SIDT1: variants seen among roughly 807,000 people sequenced by gnomAD.
The protein encoded by SIDT1 is SID1 transmembrane family, member 1.
SIDT1 carries 101 observed loss-of-function variants against 107.5 expected under a neutral mutation model. The observed-to-expected ratio is 0.94, with a 90% CI of 0.80 to 1.11. The LOEUF is 1.11. Ranked by LOEUF, SIDT1 falls within the 50% of genes least tolerant of loss-of-function variation. SIDT1 has a pLI of 0.00. For missense variants in SIDT1, 1,076 were observed against 1,058.2 expected (o/e 1.02, Z -0.23); for synonymous variants, 395 against 398.2 (o/e 0.99, Z 0.10).
At chr3:113,559,054 G>T (rs1162916026) in intron 1 of SIDT1, among the ~76,000 whole-genome samples, 3 of 152,168 alleles carry the variant, frequency 2.0e-5, no homozygotes, top group Non-Finnish European at 4.4e-5. Context: ...TTCATTGCAT[G>T]AATATAATTT....
intron 20 of SIDT1, among the ~76,000 whole-genome samples, chr3:113,617,397 A>T (rs1336459221): frequency 2.6e-5 from 4 of 152,224 alleles, no homozygotes; most frequent in Non-Finnish European, 5.9e-5. Flanking sequence ...GATCTTGAGA[A>T]GGCTACCTTC....
intron 3 of SIDT1, chr3:113,567,950 G>A (rs774686571): frequency 3.1e-5 from 13 of 418,266 alleles, no homozygotes; most frequent in Admixed American, 4.2e-5. Context: ...TCAGGGATCA[G>A]TGTGAGGAAC....
chr3:113,603,899 T>C (rs751694884), intron 12 of SIDT1, 61 bp from the exon 13 acceptor site: 86 of 1,077,490 alleles, frequency 8.0e-5, no homozygotes, highest in Non-Finnish European at 1.1e-4. Context: ...TGTTTGCCTT[T>C]GTATCTCATG....
intron 1 of SIDT1, among the ~76,000 whole-genome samples, chr3:113,550,162 A>G (rs1940052876): frequency 6.6e-6 from 1 of 152,016 alleles, no homozygotes; most frequent in Non-Finnish European, 1.5e-5. Context: ...CCATTCTCTT[A>G]CCACTCCCTT....
intron 3 of SIDT1, among the ~76,000 whole-genome samples, chr3:113,572,443 G>A (rs1404364495): frequency 6.6e-6 from 1 of 152,202 alleles, no homozygotes; most frequent in Non-Finnish European, 1.5e-5. Context: ...TCTTTAAGAT[G>A]TTGGATGCTA....
rs1943651253 is a variant in SIDT1, at chr3:113,585,161, GT to G, written c.908-13del. On this transcript the variant is annotated splice_polypyrimidine_tract_variant and intron_variant, in intron 8 of 24. Transcript: ENST00000264852. ...TGCAGAGGATGACCTGACCAAAGTTGTTTCTCTCCCTTCAGAATCTGTTTAT... is the reference window on the plus strand; with the variant it reads ...TGCAGAGGATGACCTGACCAAAGTTGTTCTCTCCCTTCAGAATCTGTTTAT... 1 of 1,594,452 alleles carries G rather than the reference GT, an allele frequency of 6.3e-7. No individual in the cohort carries two copies. The highest frequency in any genetic ancestry group is 8.6e-7 in the Non-Finnish European group (1 of 1,162,648).
intron 1 of SIDT1, among the ~76,000 whole-genome samples, chr3:113,540,454 A>C (rs1175308738): frequency 6.6e-6 from 1 of 152,224 alleles, no homozygotes; most frequent in Non-Finnish European, 1.5e-5. Flanking sequence ...AGATGACTGG[A>C]AACAATTTAA....
chr3:113,612,534 T>G, intron 19 of SIDT1: 1 of 405,250 alleles, frequency 2.5e-6, no homozygotes, highest in Non-Finnish European at 4.8e-6. Flanking sequence ...TAGTTCCACC[T>G]AGAGGAACAT....
intron 3 of SIDT1, among the ~76,000 whole-genome samples, chr3:113,569,984 C>A (rs181654869): frequency 6.6e-6 from 1 of 152,186 alleles, no homozygotes; most frequent in Non-Finnish European, 1.5e-5. Context: ...TGGTTCACTG[C>A]AACCTCCACC....
At chr3:113,606,055 CAAAAT>C (rs1945309751) in intron 14 of SIDT1, among the ~76,000 whole-genome samples, 1 of 147,626 alleles carries the variant, frequency 6.8e-6, no homozygotes, top group Non-Finnish European at 1.5e-5. Flanking sequence ...ATGAAACTAA[CAAAAT>C]ATTACAGTAA....
chr3:113,583,710 C>G (rs1576850091), intron 7 of SIDT1, among the ~76,000 whole-genome samples: 1 of 152,170 alleles, frequency 6.6e-6, no homozygotes, highest in South Asian at 2.1e-4. Flanking sequence ...TCATTTAGTA[C>G]ATTTCATCTT....
At chr3:113,636,918 T>C in the SIDT1 span, among the ~76,000 whole-genome samples, 1 of 152,184 alleles carries the variant, frequency 6.6e-6, no homozygotes, top group African/African-American at 2.4e-5. Context: ...ACCTCATTTG[T>C]CCTTAACAAC....
chr3:113,612,217 A>G, intron 19 of SIDT1, 23 bp downstream of exon 19: 1 of 1,482,630 alleles, frequency 6.7e-7, no homozygotes, highest in Non-Finnish European at 9.4e-7. Flanking sequence ...TTAATTCTAT[A>G]CTAATCACAC....
intron 9 of SIDT1, among the ~76,000 whole-genome samples, chr3:113,589,485 CT>C (rs1339940709): frequency 6.7e-6 from 1 of 149,818 alleles, no homozygotes; most frequent in Non-Finnish European, 1.5e-5. Context: ...ACCACAGCCT[CT>C]TTTGCCAGCT....
intron 1 of SIDT1, among the ~76,000 whole-genome samples, chr3:113,563,736 A>G (rs910408524): frequency 2.6e-5 from 4 of 151,946 alleles, no homozygotes; most frequent in African/African-American, 9.7e-5. Context: ...TTTGTGCCCA[A>G]TTTTTTTTAA....
chr3:113,592,792 T>C (rs1233492404), intron 9 of SIDT1: 1 of 489,644 alleles, frequency 2.0e-6, no homozygotes, highest in Non-Finnish European at 3.8e-6. Flanking sequence ...TTCACCATAT[T>C]GGCCAGGCTG....
chr3:113,613,218 C>T lies in SIDT1; in HGVS notation c.1966+1024C>T, dbSNP rs187793176. ...GCCACCACTTGGCCATTCCCTGCCC[C>T]TAGAGGTATGCCCTAGTGGTACCAT... On this transcript the variant is annotated intron_variant, in intron 19 of 24. Coordinates refer to ENST00000264852, the MANE Select transcript of SIDT1 (RefSeq NM_017699.3). Among the ~76,000 whole-genome samples the T allele has an allele frequency of 6.2e-3, 944 of 152,346 alleles. 4 individuals carry two copies. The highest frequency in any genetic ancestry group is 0.014 in the Middle Eastern group (4 of 294).
At chr3:113,581,131 A>G (rs1426022292) in intron 5 of SIDT1, among the ~76,000 whole-genome samples, 1 of 152,130 alleles carries the variant, frequency 6.6e-6, no homozygotes, top group Non-Finnish European at 1.5e-5. Flanking sequence ...TTAAGACAAT[A>G]TTTTTATAGT....
Position 113,625,143 on chromosome 3 carries a change from T to TG in SIDT1, c.2308-952dup, listed in dbSNP as rs1172447512. Among the ~76,000 whole-genome samples the TG allele has an allele frequency of 4.7e-3, 365 of 77,412 alleles. 6 individuals are homozygous for TG. The highest frequency in any genetic ancestry group is 0.017 in the African/African-American group (344 of 20,286). 50.8% of individuals were successfully genotyped at this position (77,412 alleles called of 152,430 possible). ...TATTTTTTTCTTTCTTTCTTTTTTT[T>TG]GGGGGGGCGGGGGGACGGGGTCTCC... On this transcript the variant is annotated intron_variant, in intron 23 of 24. Coordinates refer to ENST00000264852, the MANE Select transcript of SIDT1 (RefSeq NM_017699.3).
Sources: allele counts gnomAD v4.1 joint callset (sites outside exome capture counted in the v4.1 genomes callset), GRCh38; gene constraint gnomAD v4.1.1; transcripts MANE v1.5; gene names NCBI Gene and HGNC (gene_info 2026-07-23, HGNC 2026-07-21).